The following NDUFAF6 variants were observed in gnomAD, a reference collection of about 807,000 sequenced individuals.
NDUFAF6 encodes NADH dehydrogenase (ubiquinone) complex I, assembly factor 6.
A neutral mutation model predicts 40.8 loss-of-function variants in NDUFAF6; 45 were observed. That is an observed-to-expected ratio of 1.10 (90% CI 0.87 to 1.42). The LOEUF (loss-of-function observed/expected upper bound fraction) is 1.42, where lower values mean the gene tolerates loss of function less well. Ranked by LOEUF, NDUFAF6 falls within the 40% of genes most tolerant of loss-of-function variation. The pLI is 0.00. For missense variants in NDUFAF6, 435 were observed against 418.5 expected (o/e 1.04, Z -0.34); for synonymous variants, 185 against 155.9 (o/e 1.19, Z -1.39).
intron 2 of NDUFAF6, among the ~76,000 whole-genome samples, chr8:94,987,459 C>T (rs1825973971): frequency 6.6e-6 from 1 of 152,118 alleles, no homozygotes; most frequent in South Asian, 2.1e-4. Context: ...CAAAGAGGTC[C>T]ATTGTCCACA....
upstream of NDUFAF6, among the ~76,000 whole-genome samples, chr8:94,954,589 G>A (rs1409125025): frequency 6.6e-6 from 1 of 152,184 alleles, no homozygotes; most frequent in Non-Finnish European, 1.5e-5. Context: ...CTCTGAGGAG[G>A]TGGCATTTGA....
At chr8:95,024,096 T>C (rs955190377), upstream of NDUFAF6, among the ~76,000 whole-genome samples, 7 of 152,232 alleles carry the variant, frequency 4.6e-5, no homozygotes, top group African/African-American at 1.7e-4. Context: ...CAGGTTTACA[T>C]TGAAAATTTT....
Position 95,085,935 on chromosome 8 carries a change from C to T in NDUFAF6, n.213+10183C>T, listed in dbSNP as rs188597339. On this transcript the variant is annotated intron_variant and non_coding_transcript_variant, in intron 2 of 5. Transcript: ENST00000523184. The stretch of plus-strand genomic sequence containing the variant: ...CTACAAACTCTGATCATGATCTATT[C>T]TCCTAGTATTTGTGTTGCAGTGTTT... Among the ~76,000 whole-genome samples, 15 of 152,282 alleles carry T rather than the reference C, an allele frequency of 9.9e-5. No homozygotes were observed. In the East Asian group the frequency reaches 2.9e-3, roughly 29 times the overall value.
chr8:94,993,297 G>A (rs1415725103), intron 2 of NDUFAF6, among the ~76,000 whole-genome samples: 1 of 152,166 alleles, frequency 6.6e-6, no homozygotes, highest in Non-Finnish European at 1.5e-5. Context: ...CACATCCAGA[G>A]GCACCAAAAG....
chr8:94,957,667 G>A (rs962951954), upstream of NDUFAF6, among the ~76,000 whole-genome samples: 12 of 152,184 alleles, frequency 7.9e-5, no homozygotes, highest in Non-Finnish European at 1.0e-4. Context: ...CATACCCTGA[G>A]AATGACCTTG....
At chr8:94,918,109 A>G (rs61365312) in intron 1 of NDUFAF6, among the ~76,000 whole-genome samples, 1 of 152,254 alleles carries the variant, frequency 6.6e-6, no homozygotes, top group African/African-American at 2.4e-5. Context: ...CCAGAATGAA[A>G]TTCTGCCTGA....
chr8:94,948,814 A>G (rs1822260834), intron 2 of NDUFAF6, among the ~76,000 whole-genome samples: 1 of 152,032 alleles, frequency 6.6e-6, no homozygotes, highest in African/African-American at 2.4e-5. Flanking sequence ...CGCGGCCAAG[A>G]AAACAAGCCA....
At chr8:95,062,658 A>T (rs1037164641), downstream of NDUFAF6, among the ~76,000 whole-genome samples, 2 of 152,184 alleles carry the variant, frequency 1.3e-5, no homozygotes, top group Non-Finnish European at 2.9e-5. Context: ...ATAACAAGGG[A>T]TCTGCAATTT....
At chr8:94,931,933 T>G (rs142215779) in intron 1 of NDUFAF6, 4 of 777,226 alleles carry the variant, frequency 5.1e-6, no homozygotes, top group Non-Finnish European at 8.0e-6. Flanking sequence ...TATCACACCA[T>G]TGCACTCCAG....
At chr8:94,903,055 G>A (rs1232708464) in intron 1 of NDUFAF6, among the ~76,000 whole-genome samples, 3 of 152,056 alleles carry the variant, frequency 2.0e-5, no homozygotes, top group Non-Finnish European at 4.4e-5. Flanking sequence ...AGGTCACAGG[G>A]TAGGTATATA....
chr8:95,085,881 G>A (rs1809029682), intron 2 of NDUFAF6, among the ~76,000 whole-genome samples: 2 of 152,120 alleles, frequency 1.3e-5, no homozygotes. Flanking sequence ...ATTAATTTGA[G>A]TAAACTTGAG....
intron 2 of NDUFAF6, among the ~76,000 whole-genome samples, chr8:94,952,785 C>A (rs1822732064): frequency 6.6e-6 from 1 of 152,150 alleles, no homozygotes; most frequent in Admixed American, 6.5e-5. Context: ...TTTGTTTAAC[C>A]CTATTTCCAC....
At chr8:95,062,187 C>T (rs1832588488), downstream of NDUFAF6, among the ~76,000 whole-genome samples, 1 of 151,806 alleles carries the variant, frequency 6.6e-6, no homozygotes, top group African/African-American at 2.4e-5. Context: ...TGTTTGGACT[C>T]CAGAGGAGCC....
At chr8:94,958,097 G>T (rs907711001) in exon 1 of NDUFAF6, 1 of 152,526 alleles carries the variant, frequency 6.6e-6, no homozygotes, top group East Asian at 1.9e-4. Flanking sequence ...CAGGCAGTTC[G>T]TGAGGAGTGG....
intron 2 of NDUFAF6, among the ~76,000 whole-genome samples, chr8:95,010,904 C>A (rs1023187424): frequency 6.6e-6 from 1 of 152,164 alleles, no homozygotes; most frequent in African/African-American, 2.4e-5. Context: ...GCAGAAGGAG[C>A]CAGCAGACCC....
intron 2 of NDUFAF6, among the ~76,000 whole-genome samples, chr8:95,095,330 C>G (rs1414495267): frequency 3.9e-5 from 6 of 152,246 alleles, no homozygotes; most frequent in African/African-American, 1.4e-4. Context: ...CACCTTAGTA[C>G]TGCTGGAGAA....
At chr8:95,045,023 T>G (rs933370472) in intron 4 of NDUFAF6, among the ~76,000 whole-genome samples, 2 of 151,384 alleles carry the variant, frequency 1.3e-5, no homozygotes, top group Non-Finnish European at 2.9e-5. Context: ...TAGGTACCTT[T>G]TCCTCATTGA....
chr8:94,912,780 T>C (rs538089934), intron 1 of NDUFAF6, among the ~76,000 whole-genome samples: 10 of 148,458 alleles, frequency 6.7e-5, no homozygotes, highest in Non-Finnish European at 1.3e-4. Context: ...GCCACTGCAC[T>C]TCAACCTGGG....
intron 5 of NDUFAF6, among the ~76,000 whole-genome samples, chr8:95,046,099 T>A (rs1446406050): frequency 6.6e-6 from 1 of 151,356 alleles, no homozygotes; most frequent in African/African-American, 2.5e-5. Flanking sequence ...TCTCGCTTTG[T>A]CCCCAGGCTG....
Sources: allele counts gnomAD v4.1 joint callset (sites outside exome capture counted in the v4.1 genomes callset), GRCh38; gene constraint gnomAD v4.1.1; transcripts MANE v1.5; gene names NCBI Gene and HGNC (gene_info 2026-07-23, HGNC 2026-07-21).